Variants in CYFIP2 observed in about 807,000 individuals in gnomAD.
CYFIP2 encodes cytoplasmic FMR1-interacting protein 2.
A neutral mutation model predicts 158.7 loss-of-function variants in CYFIP2; 29 were observed. That is an observed-to-expected ratio of 0.18 (90% CI 0.14 to 0.25). The LOEUF (loss-of-function observed/expected upper bound fraction) is 0.25, where lower values mean the gene tolerates loss of function less well. CYFIP2 is among the 10% of genes least tolerant of loss of function. The pLI, the probability that CYFIP2 is intolerant of heterozygous loss-of-function variation, is 1.00. For synonymous variants in CYFIP2, 585 were observed against 617.6 expected (o/e 0.95, Z 0.78); for missense variants, 852 against 1,639.5 (o/e 0.52, Z 8.29).
chr5:157,321,800 A>G (rs1760615777), intron 15 of CYFIP2, among the ~76,000 whole-genome samples: 1 of 152,148 alleles, frequency 6.6e-6, no homozygotes, highest in African/African-American at 2.4e-5. Flanking sequence ...CCTTGGCTTC[A>G]CAGCCCTCTG....
At chr5:157,320,302 G>A (rs909577480) in intron 14 of CYFIP2, among the ~76,000 whole-genome samples, 2 of 152,152 alleles carry the variant, frequency 1.3e-5, no homozygotes, top group African/African-American at 4.8e-5. Context: ...TGAAAACTAA[G>A]CACACACAGA....
At position 157,348,138 on chromosome 5, in the gene CYFIP2, A is replaced by G. The variant is rs189489423; in HGVS notation, c.2673+6981A>G. Among the ~76,000 whole-genome samples, 380 of 152,350 alleles carry G rather than the reference A, an allele frequency of 2.5e-3. 2 individuals carry two copies. Among genetic ancestry groups the G allele is most frequent in the African/African-American group, 8.6e-3 (358 of 41,580 alleles). On this transcript the variant is annotated intron_variant, in intron 23 of 30. Coordinates refer to ENST00000620254, the MANE Select transcript of CYFIP2 (RefSeq NM_001037333.3). ...CCCCAGCTAGTTGACATCAGTAGTA[A>G]ATTACTGCTAGAGGAAATCAGCTAG...
At chr5:157,312,801 T>C (rs1258761921) in intron 11 of CYFIP2, among the ~76,000 whole-genome samples, 1 of 152,250 alleles carries the variant, frequency 6.6e-6, no homozygotes, top group Non-Finnish European at 1.5e-5. Flanking sequence ...TTTCTAAATA[T>C]ATGTACCAAT....
chr5:157,270,920 G>A (rs949497688), intron 1 of CYFIP2, among the ~76,000 whole-genome samples: 1 of 152,152 alleles, frequency 6.6e-6, no homozygotes, highest in Non-Finnish European at 1.5e-5. Flanking sequence ...CTCTGTGCTG[G>A]TTGCTATGGG....
At position 157,309,742 on chromosome 5, in the gene CYFIP2, G is replaced by T; in HGVS notation, c.901-1G>T. ...ACGAGCTGTGTTTGCTTCCTTTGCA[G>T]CAGCTGCAGGTGGTGCCCCTTTTCG... is the stretch of plus-strand genomic sequence containing the variant. On this transcript the variant is annotated splice_acceptor_variant, in intron 9 of 30. Coordinates refer to ENST00000620254, the MANE Select transcript of CYFIP2 (RefSeq NM_001037333.3). LOFTEE classifies it high-confidence loss of function. 6.2e-7 allele frequency: 1 copy of T among 1,600,464 alleles called. No homozygotes were observed. The highest frequency in any genetic ancestry group is 8.5e-7 in the Non-Finnish European group (1 of 1,173,598).
In CYFIP2 at chr5:157,302,307, G is replaced by A. The variant is rs62383012; in HGVS notation, c.570-487G>A. Among the ~76,000 whole-genome samples the A allele has an allele frequency of 3.6e-3, 554 of 152,284 alleles. 2 individuals carry two copies. Among genetic ancestry groups the A allele is most frequent in the Non-Finnish European group, 5.3e-3 (361 of 68,024 alleles). ...CATCCCATCACCTGCGATTCTGTGA[G>A]GTTCCATAGCCTTCTGTTTTCCATA... On this transcript the variant is annotated intron_variant, in intron 6 of 30. Transcript: ENST00000620254.
intron 8 of CYFIP2, among the ~76,000 whole-genome samples, chr5:157,306,057 T>G (rs1395509096): frequency 1.3e-5 from 2 of 152,214 alleles, no homozygotes; most frequent in African/African-American, 2.4e-5. Flanking sequence ...AACAGCCTTC[T>G]CCCATTCTTT....
rs115188468 is a variant in CYFIP2 at position 157,361,867 on chromosome 5, C to T, written c.3039+269C>T. Among the ~76,000 whole-genome samples the T allele has an allele frequency of 0.012, 1,884 of 152,178 alleles. 16 individuals carry two copies. Among genetic ancestry groups the T allele is most frequent in the Non-Finnish European group, 0.018 (1,257 of 68,014 alleles). The stretch of plus-strand genomic sequence containing the variant: ...CTGGCACAGTAAAAACAAACATCCA[C>T]GCTGAGGTTTACTGCAGGAGAAAGG... On this transcript the variant is annotated intron_variant, in intron 26 of 30. Coordinates refer to ENST00000620254, the MANE Select transcript of CYFIP2 (RefSeq NM_001037333.3). The surrounding 1 kb of genome is among the most constrained non-coding windows in gnomAD (Gnocchi z 4.4).
intron 26 of CYFIP2, among the ~76,000 whole-genome samples, chr5:157,366,088 TGA>T (rs767490938): frequency 8.5e-5 from 13 of 152,298 alleles, no homozygotes; most frequent in Non-Finnish European, 1.9e-4. Context: ...CAGCAGTGTA[TGA>T]GAGTTATCAT....
At chr5:157,391,860 C>T (rs999360308) in intron 30 of CYFIP2, among the ~76,000 whole-genome samples, 3 of 152,156 alleles carry the variant, frequency 2.0e-5, no homozygotes, top group Non-Finnish European at 4.4e-5. Flanking sequence ...TTCTGTTTTC[C>T]ATAGTGGCTG....
intron 20 of CYFIP2, 101 bp downstream of exon 20, chr5:157,330,951 G>C (rs143701689): frequency 1.1e-6 from 1 of 876,732 alleles, no homozygotes; most frequent in Non-Finnish European, 1.8e-6. Flanking sequence ...TTGTCTGCCC[G>C]GCATGTTGCC....
chr5:157,339,692 C>T (rs1162914310), intron 22 of CYFIP2, among the ~76,000 whole-genome samples: 1 of 152,212 alleles, frequency 6.6e-6, no homozygotes, highest in Non-Finnish European at 1.5e-5. Flanking sequence ...AACAGTACCA[C>T]CTATTCCAGT....
At chr5:157,285,266 G>A in intron 1 of CYFIP2, 73 bp from the exon 2 acceptor site, 1 of 975,354 alleles carries the variant, frequency 1.0e-6, no homozygotes, top group Non-Finnish European at 1.6e-6. Flanking sequence ...AAAGGATGCT[G>A]GTCATGGTGC....
chr5:157,270,189 G>C (rs1481699787), intron 1 of CYFIP2, among the ~76,000 whole-genome samples: 2 of 152,208 alleles, frequency 1.3e-5, no homozygotes, highest in East Asian at 1.9e-4. Context: ...TAGACCTTTT[G>C]ATTCTGTTTG....
Position 157,393,018 on chromosome 5 carries a change from C to T in CYFIP2, c.*18C>T. The T allele has an allele frequency of 6.2e-7, 1 of 1,611,586 alleles. No homozygotes were observed. The highest frequency in any genetic ancestry group is 8.5e-7 in the Non-Finnish European group (1 of 1,178,612). On this transcript the variant is annotated 3_prime_UTR_variant, in exon 31 of 31. Coordinates refer to ENST00000620254, the MANE Select transcript of CYFIP2 (RefSeq NM_001037333.3). ...CTTGCTAAGCAGAAGATCCTGCAGACCCTTATCTGGAGGAGGAAGAGAAGC... is the reference window on the plus strand; with the variant it reads ...CTTGCTAAGCAGAAGATCCTGCAGATCCTTATCTGGAGGAGGAAGAGAAGC...
chr5:157,317,905 C>A (rs1760278839), intron 13 of CYFIP2, among the ~76,000 whole-genome samples: 1 of 152,150 alleles, frequency 6.6e-6, no homozygotes, highest in African/African-American at 2.4e-5. Flanking sequence ...TCTTTCCAAT[C>A]TGCATGGGTT....
chr5:157,358,058 C>T (rs1396306061), intron 23 of CYFIP2, among the ~76,000 whole-genome samples: 1 of 152,078 alleles, frequency 6.6e-6, no homozygotes, highest in Non-Finnish European at 1.5e-5. Context: ...ATAGATTTGT[C>T]GGGTGGATTA....
At position 157,389,585 on chromosome 5, in the gene CYFIP2, A is replaced by C. The variant is rs191857001; in HGVS notation, c.3446+158A>C. ...GTGTTGAGCTGACTGCATTGGCAAG[A>C]AAGAGCCCAGTAAGGGTTTGATAGT... On this transcript the variant is annotated intron_variant, in intron 29 of 30. Coordinates refer to ENST00000620254, the MANE Select transcript of CYFIP2 (RefSeq NM_001037333.3). 3 of 646,900 alleles carry C rather than the reference A, an allele frequency of 4.6e-6. No individual in the cohort carries two copies. In the African/African-American group the frequency reaches 5.5e-5, roughly 12 times the overall value. 40.1% of individuals were successfully genotyped at this position (646,900 alleles called of 1,614,324 possible).
intron 1 of CYFIP2, among the ~76,000 whole-genome samples, chr5:157,281,333 G>A (rs1756970247): frequency 1.3e-5 from 2 of 152,022 alleles, no homozygotes; most frequent in Admixed American, 6.6e-5. Flanking sequence ...GTTTGTAGAG[G>A]TTGGAAAACA....
Sources: gnomAD v4.1 joint callset for allele counts (sites outside exome capture counted in the v4.1 genomes callset) on GRCh38, gnomAD v4.1.1 for gene constraint, Gnocchi (gnomAD v3.1) non-coding constraint, MANE v1.5 for transcripts, NCBI Gene and HGNC (gene_info 2026-07-23, HGNC 2026-07-21) for gene names.